KCNMA1: variants seen among roughly 807,000 people sequenced by gnomAD.
The protein encoded by KCNMA1 is Calcium-activated potassium channel subunit alpha-1.
KCNMA1 carries 29 observed loss-of-function variants against 140.0 expected under a neutral mutation model. The ratio of observed to expected loss-of-function variants is 0.21; its 90% CI spans 0.15 to 0.28. The LOEUF is 0.28. Ranked by LOEUF, KCNMA1 falls within the 10% of genes least tolerant of loss-of-function variation. The pLI, the probability that KCNMA1 is intolerant of heterozygous loss-of-function variation, is 1.00. For missense variants in KCNMA1, 880 were observed against 1,602.2 expected, an observed-to-expected ratio of 0.55 and a Z score of 7.70; for synonymous variants, 612 against 611.9, an observed-to-expected ratio of 1.00 and a Z score of 0.00.
At chr10:76,914,112 T>C (rs1325703588) in intron 24 of KCNMA1, 5 of 1,550,486 alleles carry the variant, frequency 3.2e-6, no homozygotes, top group Non-Finnish European at 4.4e-6. Context: ...GATTGACTGA[T>C]ACCAAAGGCA....
At chr10:76,893,573 C>T (rs898275112) in intron 25 of KCNMA1, among the ~76,000 whole-genome samples, 4 of 151,928 alleles carry the variant, frequency 2.6e-5, no homozygotes, top group African/African-American at 9.7e-5. Context: ...ATCCTAGTCT[C>T]TACTAAAAAT....
chr10:77,579,483 T>C (rs1185434314), intron 1 of KCNMA1, among the ~76,000 whole-genome samples: 1 of 152,252 alleles, frequency 6.6e-6, no homozygotes, highest in East Asian at 1.9e-4. Flanking sequence ...ACTTTATTTA[T>C]AGATATTTGA....
At chr10:77,601,363 A>C (rs117689566) in intron 1 of KCNMA1, among the ~76,000 whole-genome samples, 1 of 152,208 alleles carries the variant, frequency 6.6e-6, no homozygotes, top group Non-Finnish European at 1.5e-5. Flanking sequence ...CGGAGATACA[A>C]TTGAACCTAT....
At chr10:76,877,128 T>G (rs956412792), downstream of KCNMA1, 45 of 152,818 alleles carry the variant, frequency 2.9e-4, no homozygotes, top group African/African-American at 1.1e-3. Context: ...AATATGACTT[T>G]CAACTGTGAA....
chr10:76,930,834 T>A (rs1320560655), intron 23 of KCNMA1, among the ~76,000 whole-genome samples: 1 of 152,176 alleles, frequency 6.6e-6, no homozygotes, highest in South Asian at 2.1e-4. Context: ...AATTCTGTCA[T>A]TCAACAACAT....
chr10:77,152,848 T>C (rs747082289), intron 5 of KCNMA1, among the ~76,000 whole-genome samples: 21 of 152,150 alleles, frequency 1.4e-4, no homozygotes, highest in Non-Finnish European at 2.8e-4. Flanking sequence ...ATAAAACCTA[T>C]GTCTTAGGTT....
chr10:77,156,805 A>T (rs551107832), intron 5 of KCNMA1, among the ~76,000 whole-genome samples: 1 of 152,278 alleles, frequency 6.6e-6, no homozygotes, highest in East Asian at 1.9e-4. Flanking sequence ...CCTGGACCCA[A>T]GACTCATGAC....
intron 2 of KCNMA1, among the ~76,000 whole-genome samples, chr10:77,258,835 C>T (rs533625148): frequency 6.6e-6 from 1 of 152,146 alleles, no homozygotes; most frequent in South Asian, 2.1e-4. Flanking sequence ...TGGTGGCACA[C>T]ACCTGTAATC....
At chr10:77,432,438 G>C (rs558867822) in intron 1 of KCNMA1, among the ~76,000 whole-genome samples, 1 of 152,300 alleles carries the variant, frequency 6.6e-6, no homozygotes, top group East Asian at 1.9e-4. Context: ...CAGCCATCCA[G>C]TGTCAGACTC....
rs556031218 is a variant in KCNMA1, at chr10:76,958,809, T to C, written c.2361-4885A>G. On this transcript the variant is annotated intron_variant, in intron 20 of 27. Transcript: ENST00000286628. ...ATCTCAGACTTCTAGCCACCAGAAC[T>C]GTGAGAAGCTCTGTTGTTTAAGACA... Among the ~76,000 whole-genome samples, 6 of 152,318 alleles carry C rather than the reference T, an allele frequency of 3.9e-5. No individual in the cohort carries two copies. The South Asian group carries it at 1.2e-3, about 32-fold the overall frequency.
At chr10:77,330,209 C>A (rs182094139) in intron 2 of KCNMA1, among the ~76,000 whole-genome samples, 74 of 152,212 alleles carry the variant, frequency 4.9e-4, no homozygotes, top group African/African-American at 1.7e-3. Context: ...AAATTTCTTA[C>A]AATGGGAGAT....
At chr10:77,186,777 ATGTGTGTGTGTGTGTG>A (rs10594438) in intron 3 of KCNMA1, among the ~76,000 whole-genome samples, 78 of 145,208 alleles carry the variant, frequency 5.4e-4, no homozygotes, top group Non-Finnish European at 8.9e-4. Context: ...TAAAGAGTAA[ATGTGTGTGTGTGTGTG>A]TGTGTGTGTG....
chr10:77,159,250 G>T (rs1050479939), intron 5 of KCNMA1, among the ~76,000 whole-genome samples: 3 of 152,144 alleles, frequency 2.0e-5, no homozygotes, highest in African/African-American at 7.2e-5. Context: ...CTTAAAAGAT[G>T]CTTCATTTCT....
At chr10:77,359,118 T>A (rs973038017) in intron 2 of KCNMA1, among the ~76,000 whole-genome samples, 10 of 152,210 alleles carry the variant, frequency 6.6e-5, no homozygotes, top group African/African-American at 2.4e-4. Flanking sequence ...GGAGGAGGAA[T>A]ATTCTTCCTG....
chr10:77,416,784 C>T (rs537701487), intron 1 of KCNMA1, among the ~76,000 whole-genome samples: 2 of 152,298 alleles, frequency 1.3e-5, no homozygotes, highest in South Asian at 4.1e-4. Context: ...TGAACAGCAC[C>T]TAGCACACGG....
rs555306838 is a variant in KCNMA1 at position 77,081,450 on chromosome 10, G to T, written c.1524-1900C>A. Among the ~76,000 whole-genome samples, 17 of 152,204 alleles carry T rather than the reference G, an allele frequency of 1.1e-4. No homozygotes were observed. The South Asian group carries it at 3.3e-3, about 30-fold the overall frequency. Reference sequence around the variant, plus strand: ...GCTAAAGAATGGAATTCCACAGAAAGGCCCACCTCCTAAGCCTAATCAGAA... The same window carrying T: ...GCTAAAGAATGGAATTCCACAGAAATGCCCACCTCCTAAGCCTAATCAGAA... On this transcript the variant is annotated intron_variant, in intron 12 of 27. Transcript: ENST00000286628.
At chr10:77,056,998 G>GA (rs1378149962) in intron 14 of KCNMA1, among the ~76,000 whole-genome samples, 3 of 151,628 alleles carry the variant, frequency 2.0e-5, no homozygotes, top group Non-Finnish European at 4.4e-5. Flanking sequence ...TATGGTGCAG[G>GA]AAAAAAAAAT....
intron 1 of KCNMA1, among the ~76,000 whole-genome samples, chr10:77,619,027 G>C (rs1463397597): frequency 1.3e-5 from 2 of 152,190 alleles, no homozygotes; most frequent in African/African-American, 4.8e-5. Context: ...TTGGGAAGAT[G>C]TTAAGAGGAA....
intron 19 of KCNMA1, among the ~76,000 whole-genome samples, chr10:76,986,686 A>G (rs2153275467): frequency 6.6e-6 from 1 of 152,370 alleles, no homozygotes; most frequent in South Asian, 2.1e-4. Flanking sequence ...GGTCTGAACA[A>G]TTAAAGGTGC....
Sources: allele counts gnomAD v4.1 joint callset (sites outside exome capture counted in the v4.1 genomes callset), GRCh38; gene constraint gnomAD v4.1.1; transcripts MANE v1.5; gene names NCBI Gene and HGNC (gene_info 2026-07-23, HGNC 2026-07-21).